NLGN1: variants seen among roughly 807,000 people sequenced by gnomAD.
NLGN1 encodes neuroligin-1.
Under a neutral mutation model 65.5 loss-of-function variants are expected in NLGN1, and 12 were observed. The ratio of observed to expected loss-of-function variants is 0.18; its 90% CI spans 0.12 to 0.30. The LOEUF (loss-of-function observed/expected upper bound fraction) is 0.30, where lower values mean the gene tolerates loss of function less well. NLGN1 is among the 10% of genes least tolerant of loss of function. The pLI is 1.00. For synonymous variants in NLGN1, 350 were observed against 359.5 expected (o/e 0.97, Z 0.30); for missense variants, 750 against 1,007.1 (o/e 0.74, Z 3.46).
At chr3:174,247,960 C>T (rs1008132683) in intron 4 of NLGN1, among the ~76,000 whole-genome samples, 3 of 152,190 alleles carry the variant, frequency 2.0e-5, no homozygotes, top group Non-Finnish European at 2.9e-5. Flanking sequence ...TGTTTTTAGC[C>T]TGTGTCTGTA....
At chr3:173,662,833 C>G (rs1162477887) in intron 3 of NLGN1, among the ~76,000 whole-genome samples, 1 of 151,920 alleles carries the variant, frequency 6.6e-6, no homozygotes, top group African/African-American at 2.4e-5. Flanking sequence ...CAAGGTAACT[C>G]CATAACCCCA....
chr3:174,247,315 A>C (rs146053969), intron 4 of NLGN1, among the ~76,000 whole-genome samples: 9 of 152,328 alleles, frequency 5.9e-5, no homozygotes, highest in African/African-American at 1.9e-4. Context: ...TGGAAGCTGT[A>C]CAACTAGTCC....
At chr3:173,557,406 A>G (rs1416006574) in intron 2 of NLGN1, among the ~76,000 whole-genome samples, 1 of 152,034 alleles carries the variant, frequency 6.6e-6, no homozygotes, top group Non-Finnish European at 1.5e-5. Context: ...TCATTTTCAA[A>G]TCTTATCTTT....
At chr3:174,247,350 A>G (rs2152838247) in intron 4 of NLGN1, among the ~76,000 whole-genome samples, 1 of 152,278 alleles carries the variant, frequency 6.6e-6, no homozygotes, top group South Asian at 2.1e-4. Context: ...CTCACCAGTC[A>G]TTGAGCTTCC....
chr3:173,786,529 C>A (rs1304575908), intron 3 of NLGN1, among the ~76,000 whole-genome samples: 2 of 151,710 alleles, frequency 1.3e-5, no homozygotes, highest in African/African-American at 4.9e-5. Context: ...GAGAAGTGAA[C>A]CCATGTATCA....
intron 4 of NLGN1, among the ~76,000 whole-genome samples, chr3:174,139,345 C>T (rs950943883): frequency 1.3e-5 from 2 of 152,096 alleles, no homozygotes; most frequent in African/African-American, 2.4e-5. Flanking sequence ...TCCAGGAAGA[C>T]ATATAATTGG....
intron 4 of NLGN1, among the ~76,000 whole-genome samples, chr3:174,175,569 A>G (rs1479859968): frequency 2.6e-5 from 4 of 151,760 alleles, no homozygotes; most frequent in Admixed American, 2.0e-4. Context: ...CCCCTATTTT[A>G]GTGGCAAGAA....
intron 2 of NLGN1, among the ~76,000 whole-genome samples, chr3:173,463,223 A>C (rs888949520): frequency 1.3e-5 from 2 of 152,248 alleles, no homozygotes; most frequent in Admixed American, 6.5e-5. Context: ...ATTCTGAATA[A>C]TTCAAACTAT....
chr3:173,902,760 T>C (rs955397926), intron 4 of NLGN1, among the ~76,000 whole-genome samples: 1 of 152,090 alleles, frequency 6.6e-6, no homozygotes, highest in Non-Finnish European at 1.5e-5. Flanking sequence ...TATAATTAGA[T>C]GAGACTATAA....
chr3:174,080,957 G>GTGTGTGTGT (rs1580188754), intron 4 of NLGN1, among the ~76,000 whole-genome samples: 7 of 149,620 alleles, frequency 4.7e-5, no homozygotes, highest in South Asian at 2.1e-4. Flanking sequence ...GTGTGTGTGT[G>GTGTGTGTGT]GTGATAGGGG....
At chr3:173,650,712 AT>A (rs1759032139) in intron 3 of NLGN1, among the ~76,000 whole-genome samples, 1 of 152,162 alleles carries the variant, frequency 6.6e-6, no homozygotes, top group Non-Finnish European at 1.5e-5. Flanking sequence ...TATTACAAAT[AT>A]TTATGTTTTC....
intron 4 of NLGN1, among the ~76,000 whole-genome samples, chr3:174,148,208 G>A (rs904000233): frequency 2.0e-5 from 3 of 152,214 alleles, no homozygotes; most frequent in Non-Finnish European, 4.4e-5. Context: ...TAAAAGAAAA[G>A]AGGTCCTTAG....
intron 4 of NLGN1, among the ~76,000 whole-genome samples, chr3:174,261,169 C>A: frequency 6.6e-6 from 1 of 152,136 alleles, no homozygotes; most frequent in East Asian, 1.9e-4. Context: ...GCGATGCAGG[C>A]TCTTTTTTGG....
rs548817917 is a variant in NLGN1 at position 173,517,829 on chromosome 3, G to A, written c.-321+82751G>A. On this transcript the variant is annotated intron_variant, in intron 2 of 6. Coordinates refer to ENST00000457714, the Ensembl canonical transcript of NLGN1. ...TATCTATCTGTCATCTATCTCCATG[G>A]TGGTAATATAGCATGCCCTATTTTC... 2.7e-5 allele frequency among the ~76,000 whole-genome samples: 4 copies of A among 149,880 alleles called. No homozygotes were observed. In the South Asian group the frequency reaches 8.4e-4, roughly 31 times the overall value.
In NLGN1 at chr3:173,493,776, A is replaced by G. The variant is rs575607090; in HGVS notation, c.-321+58698A>G. Among the ~76,000 whole-genome samples the G allele has an allele frequency of 7.9e-5, 12 of 152,050 alleles. No individual in the cohort carries two copies. The South Asian group carries it at 2.3e-3, about 29-fold the overall frequency. On this transcript the variant is annotated intron_variant, in intron 2 of 6. Transcript: ENST00000457714. ...AATTTAGATAGTCAACAACTATTCT[A>G]TGAAACAAATACACATAGAAAAAGA...
At chr3:173,636,075 C>G (rs566577985) in intron 3 of NLGN1, among the ~76,000 whole-genome samples, 1 of 152,072 alleles carries the variant, frequency 6.6e-6, no homozygotes, top group Non-Finnish European at 1.5e-5. Context: ...GGTAAATTGC[C>G]TATCGTTTTT....
At chr3:173,805,033 A>G (rs1021201994) in intron 3 of NLGN1, among the ~76,000 whole-genome samples, 14 of 152,180 alleles carry the variant, frequency 9.2e-5, no homozygotes, top group Non-Finnish European at 1.2e-4. Flanking sequence ...TCTCAAAAAT[A>G]AAAATTAAAT....
intron 2 of NLGN1, among the ~76,000 whole-genome samples, chr3:173,561,171 C>T (rs1007212517): frequency 2.0e-5 from 3 of 152,284 alleles, no homozygotes; most frequent in East Asian, 1.9e-4. Context: ...CAGGAACTTC[C>T]GGTAGCCTTC....
At chr3:173,406,224 A>G (rs1165455776) in intron 1 of NLGN1, among the ~76,000 whole-genome samples, 1 of 151,978 alleles carries the variant, frequency 6.6e-6, no homozygotes, top group Non-Finnish European at 1.5e-5. Flanking sequence ...TCACAGCCAA[A>G]TAGTGGATGT....
Sources: allele counts gnomAD v4.1 joint callset (sites outside exome capture counted in the v4.1 genomes callset), GRCh38; gene constraint gnomAD v4.1.1; transcripts MANE v1.5; gene names NCBI Gene and HGNC (gene_info 2026-07-23, HGNC 2026-07-21).